The following TBC1D14 variants were observed in gnomAD, a reference collection of about 807,000 sequenced individuals.
The protein encoded by TBC1D14 is TBC1 domain family member 14.
Under a neutral mutation model 79.0 loss-of-function variants are expected in TBC1D14, and 26 were observed. The observed-to-expected ratio is 0.33, with a 90% CI of 0.24 to 0.46. The LOEUF is 0.46. Among genes scored for constraint, TBC1D14 ranks in the 20% least tolerant of loss-of-function variants. The pLI, the probability that TBC1D14 is intolerant of heterozygous loss-of-function variation, is 1.00. For synonymous variants in TBC1D14, 394 were observed against 349.9 expected (o/e 1.13, Z -1.40); for missense variants, 769 against 887.6 (o/e 0.87, Z 1.70).
At chr4:7,018,964 C>G (rs1490107319) in intron 12 of TBC1D14, among the ~76,000 whole-genome samples, 1 of 152,150 alleles carries the variant, frequency 6.6e-6, no homozygotes, top group Non-Finnish European at 1.5e-5. Flanking sequence ...GTTAGCGTTT[C>G]TGAAATTATG....
At chr4:6,969,310 A>G (rs1043840108) in intron 3 of TBC1D14, among the ~76,000 whole-genome samples, 1 of 152,244 alleles carries the variant, frequency 6.6e-6, no homozygotes, top group Non-Finnish European at 1.5e-5. Context: ...AATCACTTTA[A>G]AAAAGCAACA....
intron 3 of TBC1D14, among the ~76,000 whole-genome samples, chr4:6,969,052 C>T (rs1363914143): frequency 1.3e-5 from 2 of 152,176 alleles, no homozygotes; most frequent in Non-Finnish European, 2.9e-5. Context: ...CTTCACGCGT[C>T]GGCAGGTTAA....
intron 3 of TBC1D14, among the ~76,000 whole-genome samples, chr4:6,990,701 A>G (rs778253870): frequency 2.6e-5 from 4 of 152,158 alleles, no homozygotes; most frequent in Non-Finnish European, 5.9e-5. Flanking sequence ...TGAGGGAGTG[A>G]GTGCCCAGCC....
At chr4:6,956,769 A>C (rs1054367982) in intron 2 of TBC1D14, among the ~76,000 whole-genome samples, 1 of 152,232 alleles carries the variant, frequency 6.6e-6, no homozygotes, top group East Asian at 1.9e-4. Context: ...TTCTAGATGC[A>C]GACCTGTGCC....
At chr4:6,918,387 G>A (rs1252927970) in intron 1 of TBC1D14, among the ~76,000 whole-genome samples, 1 of 152,168 alleles carries the variant, frequency 6.6e-6, no homozygotes, top group East Asian at 1.9e-4. Flanking sequence ...GTTCTAACCC[G>A]CATCTCTTTT....
intron 2 of TBC1D14, among the ~76,000 whole-genome samples, chr4:6,962,939 G>A (rs1311569102): frequency 2.0e-5 from 3 of 152,228 alleles, no homozygotes; most frequent in Admixed American, 6.5e-5. Flanking sequence ...CAGCAGACGT[G>A]TGTAGAACCT....
At chr4:6,983,104 C>A (rs1024837219) in intron 3 of TBC1D14, among the ~76,000 whole-genome samples, 3 of 151,968 alleles carry the variant, frequency 2.0e-5, no homozygotes, top group African/African-American at 4.8e-5. Flanking sequence ...CTCACTGCAA[C>A]CTCTGCCTCC....
intron 1 of TBC1D14, among the ~76,000 whole-genome samples, chr4:6,919,854 C>T (rs1413091437): frequency 6.6e-6 from 1 of 151,954 alleles, no homozygotes; most frequent in Non-Finnish European, 1.5e-5. Context: ...CTCCTGACTT[C>T]GTGATCTGCC....
At chr4:6,987,307 A>G (rs1255771302) in intron 3 of TBC1D14, 2 of 1,390,400 alleles carry the variant, frequency 1.4e-6, no homozygotes, top group African/African-American at 1.5e-5. Context: ...CTCGCTGGGC[A>G]TGGAGCCTCC....
intron 2 of TBC1D14, among the ~76,000 whole-genome samples, chr4:6,940,095 A>C (rs1033962431): frequency 6.6e-6 from 1 of 152,166 alleles, no homozygotes; most frequent in African/African-American, 2.4e-5. Context: ...AGTTACTAGA[A>C]TATCAAACTG....
intron 2 of TBC1D14, among the ~76,000 whole-genome samples, chr4:6,965,404 T>A (rs1185262561): frequency 1.3e-5 from 2 of 152,196 alleles, no homozygotes; most frequent in Non-Finnish European, 2.9e-5. Flanking sequence ...AGCTTATAGG[T>A]CCATTATTGT....
At chr4:6,916,092 C>T (rs1190239656) in intron 1 of TBC1D14, among the ~76,000 whole-genome samples, 2 of 150,294 alleles carry the variant, frequency 1.3e-5, no homozygotes, top group African/African-American at 4.9e-5. Context: ...TGCCACTGCG[C>T]TCCAGCCTGG....
chr4:7,011,545 G>A (rs770529332), intron 11 of TBC1D14, among the ~76,000 whole-genome samples: 1 of 151,266 alleles, frequency 6.6e-6, no homozygotes, highest in Non-Finnish European at 1.5e-5. Flanking sequence ...GGTTTTTTTT[G>A]TTTTTTTTGT....
chr4:6,925,052 G>T (rs1724178607), intron 2 of TBC1D14, among the ~76,000 whole-genome samples: 1 of 152,132 alleles, frequency 6.6e-6, no homozygotes, highest in Admixed American at 6.6e-5. Context: ...CAACACTTTG[G>T]GAGGCTGAGG....
chr4:6,958,582 A>G (rs1343672239), intron 2 of TBC1D14, among the ~76,000 whole-genome samples: 3 of 152,022 alleles, frequency 2.0e-5, no homozygotes, highest in African/African-American at 7.2e-5. Context: ...GGTGTGCACT[A>G]CCACGCCTGG....
At chr4:7,025,987 G>A (rs1467397048) in intron 13 of TBC1D14, among the ~76,000 whole-genome samples, 2 of 152,130 alleles carry the variant, frequency 1.3e-5, no homozygotes, top group Non-Finnish European at 2.9e-5. Flanking sequence ...GTTGATTGAC[G>A]TCTATGAAGA....
chr4:7,007,745 C>T lies in TBC1D14; in HGVS notation c.1446+1019C>T, dbSNP rs1256904113. ...GATTTCAGCTTCTCTGCCCTTTTGC[C>T]CCAGTTCGTCTCCATAGGCCTCAGT... On this transcript the variant is annotated intron_variant, in intron 9 of 13. Transcript: ENST00000409757. 5 of 502,596 alleles carry T rather than the reference C, an allele frequency of 9.9e-6. No homozygotes were observed. The East Asian group carries it at 3.5e-4, about 36-fold the overall frequency. 31.1% of individuals were successfully genotyped at this position (502,596 alleles called of 1,614,324 possible). A position where few individuals can be genotyped will look rare whatever the true frequency, so the allele number is the denominator to read the frequency against.
At chr4:6,936,488 A>G (rs1378588725) in intron 2 of TBC1D14, among the ~76,000 whole-genome samples, 6 of 152,144 alleles carry the variant, frequency 3.9e-5, no homozygotes, top group African/African-American at 1.4e-4. Context: ...GCACTCAATG[A>G]TGTTTCACTG....
chr4:7,009,774 A>ATTTTC, intron 9 of TBC1D14, 103 bp from the exon 10 acceptor site: 1 of 1,157,914 alleles, frequency 8.6e-7, no homozygotes, highest in Non-Finnish European at 1.3e-6. Flanking sequence ...CATAATGCTG[A>ATTTTC]AAATAGCAGG....
Sources: allele counts gnomAD v4.1 joint callset (sites outside exome capture counted in the v4.1 genomes callset), GRCh38; gene constraint gnomAD v4.1.1; transcripts MANE v1.5; gene names NCBI Gene and HGNC (gene_info 2026-07-23, HGNC 2026-07-21).